The following SLC35F4 variants were observed in gnomAD, a reference collection of about 807,000 sequenced individuals.
SLC35F4 encodes the protein chromosome 14 open reading frame 36.
A neutral mutation model predicts 44.2 loss-of-function variants in SLC35F4; 24 were observed. The ratio of observed to expected loss-of-function variants is 0.54; its 90% confidence interval spans 0.39 to 0.76. The LOEUF (loss-of-function observed/expected upper bound fraction) is 0.76, where lower values mean the gene tolerates loss of function less well. Ranked by LOEUF, SLC35F4 falls within the 30% of genes least tolerant of loss-of-function variation. The pLI, the probability that SLC35F4 is intolerant of heterozygous loss-of-function variation, is 0.00. For missense variants in SLC35F4, 562 were observed against 586.1 expected (o/e 0.96, Z 0.42); for synonymous variants, 238 against 223.6 (o/e 1.06, Z -0.57).
At position 57,859,671 on chromosome 14, in the gene SLC35F4, G is replaced by A. The variant is rs867084445; in HGVS notation, c.103+6052C>T. Among the ~76,000 whole-genome samples the A allele has an allele frequency of 3.9e-5, 6 of 152,162 alleles. No individual in the cohort carries two copies. In the South Asian group the frequency reaches 6.2e-4, roughly 16 times the overall value. ...GTAGGGAAGTAAATATTTTTAAGGT[G>A]CGTATGCTGGATTGGAAGGACTTGA... is the stretch of plus-strand genomic sequence containing the variant. On this transcript the variant is annotated intron_variant, in intron 1 of 7. Coordinates refer to ENST00000556826, the MANE Select transcript of SLC35F4 (RefSeq NM_001306087.2).
chr14:57,602,802 C>A (rs2070909042), intron 1 of SLC35F4, among the ~76,000 whole-genome samples: 1 of 152,106 alleles, frequency 6.6e-6, no homozygotes, highest in Admixed American at 6.6e-5. Context: ...GTTTCCCTTA[C>A]CCTGAATAAA....
At chr14:57,938,261 C>T (rs1889851563) in intron 1 of SLC35F4, among the ~76,000 whole-genome samples, 1 of 151,840 alleles carries the variant, frequency 6.6e-6, no homozygotes, top group African/African-American at 2.4e-5. Flanking sequence ...AGCAAGGAGA[C>T]TCTCAAGCAG....
intron 1 of SLC35F4, among the ~76,000 whole-genome samples, chr14:57,701,027 G>A (rs556065660): frequency 6.6e-6 from 1 of 152,124 alleles, no homozygotes; most frequent in Admixed American, 6.6e-5. Context: ...TATAAAGACA[G>A]GGTCTCACTA....
At chr14:57,810,787 G>C (rs1261338026) in intron 1 of SLC35F4, among the ~76,000 whole-genome samples, 1 of 152,170 alleles carries the variant, frequency 6.6e-6, no homozygotes, top group Admixed American at 6.5e-5. Flanking sequence ...TAGTCTCAAA[G>C]AAAAAGGCTC....
At chr14:57,773,458 GAATAAAGCCAAAA>G (rs1157373562) in intron 1 of SLC35F4, among the ~76,000 whole-genome samples, 85 of 152,258 alleles carry the variant, frequency 5.6e-4, no homozygotes, top group Non-Finnish European at 1.1e-3. Flanking sequence ...ATTTAGTACG[GAATAAAGCCAAAA>G]TTCACACCTA....
At chr14:57,973,637 TAG>T (rs1881120128), downstream of SLC35F4, among the ~76,000 whole-genome samples, 1 of 152,114 alleles carries the variant, frequency 6.6e-6, no homozygotes. Flanking sequence ...GGAGGGACAT[TAG>T]AGAGTCTTAA....
At chr14:57,895,513 G>A (rs949464985) in intron 1 of SLC35F4, among the ~76,000 whole-genome samples, 6 of 151,962 alleles carry the variant, frequency 3.9e-5, no homozygotes, top group East Asian at 1.9e-4. Context: ...CCTTGATAGT[G>A]GATGAGTTCT....
At chr14:57,657,969 A>T (rs916280541) in intron 1 of SLC35F4, among the ~76,000 whole-genome samples, 1 of 152,184 alleles carries the variant, frequency 6.6e-6, no homozygotes, top group Non-Finnish European at 1.5e-5. Flanking sequence ...GTGCCTATTC[A>T]CAGAATAATT....
chr14:57,659,373 G>A (rs1423026933), intron 1 of SLC35F4, among the ~76,000 whole-genome samples: 1 of 152,106 alleles, frequency 6.6e-6, no homozygotes, highest in Non-Finnish European at 1.5e-5. Flanking sequence ...GTGGCCCTGA[G>A]GTCTCAGCAG....
intron 1 of SLC35F4, among the ~76,000 whole-genome samples, chr14:57,780,589 T>C (rs1468041607): frequency 6.6e-6 from 1 of 152,126 alleles, no homozygotes; most frequent in Non-Finnish European, 1.5e-5. Context: ...AAGAACTGTT[T>C]TAAAATTTCT....
intron 1 of SLC35F4, among the ~76,000 whole-genome samples, chr14:57,695,101 C>T (rs78130487): frequency 4.2e-4 from 64 of 152,034 alleles, no homozygotes; most frequent in African/African-American, 1.3e-3. Context: ...ATTCAGGACA[C>T]AGGCATGGGC....
At position 57,564,116 on chromosome 14, in the gene SLC35F4, A is replaced by G; in HGVS notation, c.*19T>C. ...ATTCACAGAATATACATACACGTGCATTCAAAATATGTCCCTCTCTAAGCC... is the reference window on the plus strand; with the variant it reads ...ATTCACAGAATATACATACACGTGCGTTCAAAATATGTCCCTCTCTAAGCC... On this transcript the variant is annotated 3_prime_UTR_variant, in exon 8 of 8. Coordinates refer to ENST00000556826, the MANE Select transcript of SLC35F4 (RefSeq NM_001306087.2). The G allele has an allele frequency of 6.2e-7, 1 of 1,612,874 alleles. No individual in the cohort carries two copies. Among genetic ancestry groups the G allele is most frequent in the Non-Finnish European group, 8.5e-7 (1 of 1,179,166 alleles).
At chr14:57,853,179 G>C (rs1886742118) in intron 1 of SLC35F4, among the ~76,000 whole-genome samples, 2 of 152,174 alleles carry the variant, frequency 1.3e-5, no homozygotes, top group South Asian at 4.1e-4. Context: ...GTAGTCTGCA[G>C]TGCTAGATGG....
chr14:57,653,010 C>A (rs113592620), intron 1 of SLC35F4, among the ~76,000 whole-genome samples: 140 of 152,308 alleles, frequency 9.2e-4, no homozygotes, highest in African/African-American at 3.1e-3. Flanking sequence ...TCTCTCTCCA[C>A]TGAGTAATCT....
chr14:57,674,673 G>A (rs1312252156), intron 1 of SLC35F4, among the ~76,000 whole-genome samples: 1 of 152,100 alleles, frequency 6.6e-6, no homozygotes, highest in East Asian at 1.9e-4. Flanking sequence ...CAGTTAGTCT[G>A]CCACCTTTTT....
At chr14:57,639,884 C>T (rs2073154309) in intron 1 of SLC35F4, among the ~76,000 whole-genome samples, 2 of 151,872 alleles carry the variant, frequency 1.3e-5, no homozygotes, top group Non-Finnish European at 2.9e-5. Flanking sequence ...CCAGGATAAC[C>T]ATAAGAAACT....
intron 1 of SLC35F4, among the ~76,000 whole-genome samples, chr14:57,669,921 A>G (rs141171383): frequency 0.63 from 95,596 of 151,838 alleles, 30,465 homozygotes; most frequent in South Asian, 0.71. Context: ...GCTCCTCCTT[A>G]TACCTCTGGT....
intron 1 of SLC35F4, among the ~76,000 whole-genome samples, chr14:57,952,506 G>T (rs887393261): frequency 1.9e-4 from 29 of 151,972 alleles, no homozygotes; most frequent in African/African-American, 6.8e-4. Context: ...AAAGGAGCAT[G>T]TTCTAACCCA....
chr14:57,680,029 T>C (rs151064353), intron 1 of SLC35F4, among the ~76,000 whole-genome samples: 22 of 152,170 alleles, frequency 1.4e-4, no homozygotes, highest in Middle Eastern at 6.8e-3. Flanking sequence ...TTTATGAGGC[T>C]AGCATCATCC....
Sources: gnomAD v4.1 joint callset for allele counts (sites outside exome capture counted in the v4.1 genomes callset) on GRCh38, gnomAD v4.1.1 for gene constraint, MANE v1.5 for transcripts, NCBI Gene and HGNC (gene_info 2026-07-23, HGNC 2026-07-21) for gene names.